The following ZBED3 variants were observed in gnomAD, a reference collection of about 807,000 sequenced individuals.
ZBED3 encodes zinc finger BED domain-containing protein 3.
For missense variants in ZBED3, 388 were observed against 362.9 expected, an observed-to-expected ratio of 1.07 and a Z score of -0.56; for synonymous variants, 175 against 180.0, an observed-to-expected ratio of 0.97 and a Z score of 0.22.
chr5:77,081,268 C>G (rs1327202315), intron 1 of ZBED3, among the ~76,000 whole-genome samples: 1 of 151,946 alleles, frequency 6.6e-6, no homozygotes, highest in Non-Finnish European at 1.5e-5. Context: ...AGAAAAGGCA[C>G]ACTCCTCAAT....
At chr5:77,081,309 A>G (rs1743124481) in intron 1 of ZBED3, among the ~76,000 whole-genome samples, 2 of 151,544 alleles carry the variant, frequency 1.3e-5, no homozygotes, top group African/African-American at 4.9e-5. Flanking sequence ...ATTTTAGGAA[A>G]GCATTCTGGC....
At position 77,077,206 on chromosome 5, in the gene ZBED3, C is replaced by G; in HGVS notation, c.673G>C (p.Asp225His). The change falls in exon 3 of 3, where the codon GAC becomes CAC. Residue 225 changes from aspartate to histidine, a missense_variant. By Grantham distance (81) the Asp-to-His change is moderately conservative. Transcript: ENST00000255198. ...AGGACCTTTGTGATGACGCAGCCGT[C>G]CCTGTCACCCTCGGGGTCGTCCTTG... ...PLKDDPEGDR[D>H]GCVITKVLL The G allele has an allele frequency of 6.7e-7, 1 of 1,503,164 alleles. No homozygotes were observed. 93.1% of individuals were successfully genotyped at this position (1,503,164 alleles called of 1,614,324 possible). A position where few individuals can be genotyped will look rare whatever the true frequency, so the allele number is the denominator to read the frequency against.
chr5:77,084,752 C>T (rs1743203685), intron 1 of ZBED3, among the ~76,000 whole-genome samples: 1 of 152,196 alleles, frequency 6.6e-6, no homozygotes, highest in African/African-American at 2.4e-5. Flanking sequence ...CTTCCCCTCC[C>T]ATGCCCCACA....
At chr5:77,081,077 G>C (rs1327683038) in intron 1 of ZBED3, among the ~76,000 whole-genome samples, 1 of 152,152 alleles carries the variant, frequency 6.6e-6, no homozygotes, top group East Asian at 1.9e-4. Flanking sequence ...CAGAAAAACA[G>C]ACGAGAAATA....
intron 1 of ZBED3, among the ~76,000 whole-genome samples, chr5:77,085,280 C>T (rs1462270450): frequency 6.6e-6 from 1 of 152,188 alleles, no homozygotes; most frequent in African/African-American, 2.4e-5. Flanking sequence ...TAAACATGGG[C>T]ATATACACAA....
At position 77,077,435 on chromosome 5, in the gene ZBED3, C is replaced by T. The variant is rs1743040359; in HGVS notation, c.444G>A (p.Arg148=). The change falls in exon 3 of 3, where the codon CGG becomes CGA. Residue 148 remains arginine, a synonymous_variant. Transcript: ENST00000255198. ...ALAVRGSRRE[R]ELERRELAVE... ...CGGCCAGCTCGCGCCGCTCCAGCTCCCGCTCCCGCCGGCTGCCGCGCACGG... is the reference window on the plus strand; with the variant it reads ...CGGCCAGCTCGCGCCGCTCCAGCTCTCGCTCCCGCCGGCTGCCGCGCACGG... 2.5e-6 allele frequency: 3 copies of T among 1,218,806 alleles called. No individual in the cohort carries two copies. Among genetic ancestry groups the T allele is most frequent in the African/African-American group, 1.6e-5 (1 of 62,592 alleles). The allele number at this position is 1,218,806 out of a possible 1,614,324, so 75.5% of individuals were successfully genotyped here. A position where few individuals can be genotyped will look rare whatever the true frequency, so the allele number is the denominator to read the frequency against.
rs532524366 is a variant in ZBED3 at position 77,075,762 on chromosome 5, A to G, written c.*1412T>C. The G allele has an allele frequency of 6.6e-6, 1 of 151,310 alleles. No individual in the cohort carries two copies. Among genetic ancestry groups the G allele is most frequent in the Non-Finnish European group, 1.5e-5 (1 of 67,874 alleles). The allele number at this position is 151,310 out of a possible 1,614,324, so 9.4% of individuals were successfully genotyped here. On this transcript the variant is annotated 3_prime_UTR_variant, in exon 3 of 3. Transcript: ENST00000255198. ...GAACCAGTATGCAACAGGAAAAGGA[A>G]TTCTTTGAAGGAAAAACAGGATCCA...
At position 77,075,939 on chromosome 5, in the gene ZBED3, A is replaced by T. The variant is rs1339926430; in HGVS notation, c.*1235T>A. 66 of 12,552 alleles carry T rather than the reference A, an allele frequency of 5.3e-3. 3 individuals carry two copies. Among genetic ancestry groups the T allele is most frequent in the African/African-American group, 9.5e-3 (29 of 3,058 alleles). The allele number at this position is 12,552 out of a possible 1,614,324, so 0.8% of individuals were successfully genotyped here. A position where few individuals can be genotyped will look rare whatever the true frequency, so the allele number is the denominator to read the frequency against. ...TGCACCCTAGAACTTAAAGTATTAT[A>T]TATACATATATATATATATATATAT... On this transcript the variant is annotated 3_prime_UTR_variant, in exon 3 of 3. Transcript: ENST00000255198.
Position 77,077,549 on chromosome 5 carries a change from T to TG in ZBED3, c.329dup (p.Pro111ThrfsTer93). ...GCGGCGGCGGGCAGGGCGCGGCAGG[T>TG]GGGGAGCTCCCGGCGCCGCTGCTCT... On this transcript the variant is annotated frameshift_variant, in exon 3 of 3. Transcript: ENST00000255198. LOFTEE classifies it low-confidence loss of function (END_TRUNC). 2.4e-6 allele frequency: 3 copies of TG among 1,242,980 alleles called. No individual in the cohort carries two copies. The highest frequency in any genetic ancestry group is 3.0e-6 in the Non-Finnish European group (3 of 996,180). 77.0% of individuals were successfully genotyped at this position (1,242,980 alleles called of 1,614,324 possible). A position where few individuals can be genotyped will look rare whatever the true frequency, so the allele number is the denominator to read the frequency against.
chr5:77,072,660 A>C lies in ZBED3; in HGVS notation c.*4514T>G, dbSNP rs572088088. On this transcript the variant is annotated 3_prime_UTR_variant, in exon 3 of 3. Coordinates refer to ENST00000255198, the MANE Select transcript of ZBED3 (RefSeq NM_032367.4). ...ACAAGTCAGATTGAGTTTTGACTGG[A>C]GCAGGTCATTTGGCAACTATTTGAT... The C allele has an allele frequency of 6.6e-6, 1 of 152,156 alleles. No individual in the cohort carries two copies. The highest frequency in any genetic ancestry group is 2.1e-4 in the South Asian group (1 of 4,834). 9.4% of individuals were successfully genotyped at this position (152,156 alleles called of 1,614,324 possible). A position where few individuals can be genotyped will look rare whatever the true frequency, so the allele number is the denominator to read the frequency against.
In ZBED3 at chr5:77,077,212, C is replaced by T. The variant is rs747628565; in HGVS notation, c.667G>A (p.Asp223Asn). 1 of 1,502,844 alleles carries T rather than the reference C, an allele frequency of 6.7e-7. No homozygotes were observed. The highest frequency in any genetic ancestry group is 8.8e-7 in the Non-Finnish European group (1 of 1,131,970). 93.1% of individuals were successfully genotyped at this position (1,502,844 alleles called of 1,614,324 possible). The part of the protein sequence containing the change: ...PPPLKDDPEG[D>N]RDGCVITKVL... ...TTTGTGATGACGCAGCCGTCCCTGT[C>T]ACCCTCGGGGTCGTCCTTGAGCGGC... Residue 223 changes from aspartate to asparagine, a missense_variant, in exon 3 of 3, where the codon GAC (aspartate) becomes AAC (asparagine). Transcript: ENST00000255198.
intron 1 of ZBED3, chr5:77,086,691 C>A (rs1406333555): frequency 6.6e-6 from 1 of 152,070 alleles, no homozygotes; most frequent in East Asian, 1.9e-4. Flanking sequence ...GGCTTGCATT[C>A]GCTTTCTCCC....
chr5:77,081,273 C>G (rs115505239), intron 1 of ZBED3, among the ~76,000 whole-genome samples: 1,862 of 151,954 alleles, frequency 0.012, 35 homozygotes, highest in African/African-American at 0.043. Flanking sequence ...AGGCACACTC[C>G]TCAATTACTA....
At position 77,073,229 on chromosome 5, in the gene ZBED3, G is replaced by C. The variant is rs1742916162; in HGVS notation, c.*3945C>G. The C allele has an allele frequency of 6.6e-6, 1 of 152,132 alleles. No individual in the cohort carries two copies. Among genetic ancestry groups the C allele is most frequent in the Admixed American group, 6.5e-5 (1 of 15,274 alleles). The allele number at this position is 152,132 out of a possible 1,614,324, so 9.4% of individuals were successfully genotyped here. ...CTCTGTCTCCTGAACAGGACATTCA[G>C]GCTCGCACTAGCCATCTTTGAGGGA... On this transcript the variant is annotated 3_prime_UTR_variant, in exon 3 of 3. Transcript: ENST00000255198.
Position 77,087,158 on chromosome 5 carries a change from C to G in ZBED3, c.-200G>C, listed in dbSNP as rs1561300935. The stretch of plus-strand genomic sequence containing the variant: ...CGGAGCCGGCGGCGGGTCGGGAGTC[C>G]GAGATGGTAGATCCCCCTCCAGGCG... On this transcript the variant is annotated 5_prime_UTR_variant, in exon 1 of 3. Coordinates refer to ENST00000255198, the MANE Select transcript of ZBED3 (RefSeq NM_032367.4). 6.6e-6 allele frequency: 1 copy of G among 152,466 alleles called. No individual in the cohort carries two copies. Among genetic ancestry groups the G allele is most frequent in the African/African-American group, 2.4e-5 (1 of 41,462 alleles). The allele number at this position is 152,466 out of a possible 1,614,324, so 9.4% of individuals were successfully genotyped here.
intron 1 of ZBED3, among the ~76,000 whole-genome samples, chr5:77,085,385 G>T (rs1223261382): frequency 6.6e-6 from 1 of 152,142 alleles, no homozygotes. Context: ...AAAAATATTT[G>T]GCAGGCTAAA....
At chr5:77,079,399 G>T (rs1335069167) in intron 1 of ZBED3, 4 of 152,218 alleles carry the variant, frequency 2.6e-5, no homozygotes, top group African/African-American at 9.7e-5. Flanking sequence ...ACAAAGATGA[G>T]AATAGGAAAA....
chr5:77,077,370 G>T lies in ZBED3; in HGVS notation c.509C>A (p.Ala170Glu). 4 of 1,254,030 alleles carry T rather than the reference G, an allele frequency of 3.2e-6. No homozygotes were observed. Among genetic ancestry groups the T allele is most frequent in the South Asian group, 2.8e-5 (1 of 35,422 alleles). 77.7% of individuals were successfully genotyped at this position (1,254,030 alleles called of 1,614,324 possible). The part of the protein sequence containing the change: ...GERALERRRR[A>E]LQEEERAAAQ... ...CGCGGCGCGCTCTTCCTCCTGCAGC[G>T]CCCTCCGCCTCCGCTCCAGGGCGCG... Residue 170 changes from alanine to glutamate, a missense_variant, in exon 3 of 3, where the codon GCG becomes GAG. Physicochemically the swap from Ala to Glu is moderately radical, Grantham distance 107. Transcript: ENST00000255198.
Position 77,077,305 on chromosome 5 carries a change from G to C in ZBED3, c.574C>G (p.Leu192Val). 1 of 1,330,442 alleles carries C rather than the reference G, an allele frequency of 7.5e-7. No individual in the cohort carries two copies. Among genetic ancestry groups the C allele is most frequent in the Non-Finnish European group, 9.6e-7 (1 of 1,045,364 alleles). 82.4% of individuals were successfully genotyped at this position (1,330,442 alleles called of 1,614,324 possible). ...RRELQAEREALQARLRDVSRR... is the reference protein window; with the variant it reads ...RRELQAEREAVQARLRDVSRR... ...CTCACATCCCGCAGCCGCGCCTGCA[G>C]CGCCTCCCGCTCGGCCTGCAGTTCC... Residue 192 changes from leucine to valine, a missense_variant, in exon 3 of 3, where the codon CTG becomes GTG. By Grantham distance (32) the Leu-to-Val change is conservative. Transcript: ENST00000255198.
Sources: gnomAD v4.1 joint callset for allele counts (sites outside exome capture counted in the v4.1 genomes callset) on GRCh38, gnomAD v4.1.1 for gene constraint, MANE v1.5 for transcripts, NCBI Gene and HGNC (gene_info 2026-07-23, HGNC 2026-07-21) for gene names.